CHRM3: variants seen among roughly 807,000 people sequenced by gnomAD.
CHRM3 encodes the protein cholinergic receptor muscarinic 3.
Under a neutral mutation model 41.8 loss-of-function variants are expected in CHRM3, and 11 were observed. The ratio of observed to expected loss-of-function variants is 0.26; its 90% CI spans 0.17 to 0.44. CHRM3 has a LOEUF of 0.44. CHRM3 is among the 20% of genes least tolerant of loss of function. The pLI, the probability that CHRM3 is intolerant of heterozygous loss-of-function variation, is 1.00. For missense variants in CHRM3, 571 were observed against 745.4 expected, an observed-to-expected ratio of 0.77 and a Z score of 2.72; for synonymous variants, 297 against 301.4, an observed-to-expected ratio of 0.99 and a Z score of 0.15.
chr1:239,836,704 G>C (rs974475469), intron 6 of CHRM3, among the ~76,000 whole-genome samples: 1 of 152,136 alleles, frequency 6.6e-6, no homozygotes, highest in South Asian at 2.1e-4. Context: ...GGGGCCTGGC[G>C]TGGTGGCTCA....
intron 5 of CHRM3, among the ~76,000 whole-genome samples, chr1:239,772,005 G>T (rs1000480633): frequency 7.2e-5 from 11 of 152,084 alleles, no homozygotes; most frequent in East Asian, 1.9e-4. Context: ...CATACAAAGA[G>T]AAACAAAAGA....
chr1:239,532,745 G>GA (rs1288041862), intron 2 of CHRM3, among the ~76,000 whole-genome samples: 3 of 151,778 alleles, frequency 2.0e-5, no homozygotes, highest in Non-Finnish European at 4.4e-5. Flanking sequence ...TAAGAATATT[G>GA]AAAAAAGATG....
chr1:239,427,767 A>T (rs1326225068), intron 1 of CHRM3, among the ~76,000 whole-genome samples: 1 of 152,018 alleles, frequency 6.6e-6, no homozygotes, highest in East Asian at 2.0e-4. Flanking sequence ...AGACAAGCAG[A>T]TGGAGGATCC....
intron 1 of CHRM3, among the ~76,000 whole-genome samples, chr1:239,400,525 G>C (rs1015438330): frequency 3.3e-5 from 5 of 151,968 alleles, no homozygotes; most frequent in African/African-American, 1.2e-4. Context: ...AAAGTTCTTT[G>C]CCGAGACTAA....
chr1:239,545,312 C>G, intron 2 of CHRM3, among the ~76,000 whole-genome samples: 1 of 152,068 alleles, frequency 6.6e-6, no homozygotes, highest in Admixed American at 6.6e-5. Context: ...TAATAATGGA[C>G]ATTAGAGATT....
chr1:239,816,730 GTC>G (rs1558148655), intron 5 of CHRM3, among the ~76,000 whole-genome samples: 3 of 101,728 alleles, frequency 2.9e-5, no homozygotes, highest in Non-Finnish European at 2.0e-5. Context: ...CTGTGCCTCA[GTC>G]TTTTTTTTTT....
At position 239,899,259 on chromosome 1, in the gene CHRM3, T is replaced by C. The variant is rs566741301; in HGVS notation, c.-19-8174T>C. ...TTCTCATATTGGCCCACTAATTGGC[T>C]CTTGCATTTTGAACTCAGTGTGTGT... On this transcript the variant is annotated intron_variant, in intron 6 of 6. Coordinates refer to ENST00000676153, the MANE Select transcript of CHRM3 (RefSeq NM_001375978.1). 8.7e-5 allele frequency among the ~76,000 whole-genome samples: 13 copies of C among 149,888 alleles called. No individual in the cohort carries two copies. In the South Asian group the frequency reaches 2.5e-3, roughly 29 times the overall value.
intron 2 of CHRM3, among the ~76,000 whole-genome samples, chr1:239,536,119 A>G (rs1658172576): frequency 6.6e-6 from 1 of 152,162 alleles, no homozygotes; most frequent in South Asian, 2.1e-4. Flanking sequence ...ATTCAGAGTC[A>G]AGGAAGCAGT....
chr1:239,892,305 T>C (rs1345937492), intron 6 of CHRM3, among the ~76,000 whole-genome samples: 1 of 152,250 alleles, frequency 6.6e-6, no homozygotes, highest in Non-Finnish European at 1.5e-5. Context: ...TATTATTTTA[T>C]TTTGATTCTT....
At chr1:239,805,976 A>G (rs1670608213) in intron 5 of CHRM3, among the ~76,000 whole-genome samples, 1 of 152,138 alleles carries the variant, frequency 6.6e-6, no homozygotes, top group South Asian at 2.1e-4. Context: ...ACAAAACAAA[A>G]CAGGAATCTC....
intron 1 of CHRM3, among the ~76,000 whole-genome samples, chr1:239,466,452 T>C (rs1054339536): frequency 6.6e-6 from 1 of 152,114 alleles, no homozygotes; most frequent in African/African-American, 2.4e-5. Context: ...CAATAAGGCT[T>C]CTGGTTAACA....
intron 2 of CHRM3, among the ~76,000 whole-genome samples, chr1:239,529,926 C>A (rs1670274634): frequency 6.6e-6 from 1 of 151,950 alleles, no homozygotes; most frequent in African/African-American, 2.4e-5. Flanking sequence ...GAGACAGAGT[C>A]TCGCTCTGTC....
chr1:239,804,187 T>C (rs1178157542), intron 5 of CHRM3, among the ~76,000 whole-genome samples: 1 of 152,180 alleles, frequency 6.6e-6, no homozygotes, highest in Non-Finnish European at 1.5e-5. Flanking sequence ...TCTTTTGAGA[T>C]ATTTCCAAGA....
At chr1:239,646,666 T>C (rs1399072241) in intron 4 of CHRM3, among the ~76,000 whole-genome samples, 1 of 152,136 alleles carries the variant, frequency 6.6e-6, no homozygotes, top group African/African-American at 2.4e-5. Flanking sequence ...GGAATTTGAA[T>C]GCAAGTGATA....
intron 5 of CHRM3, among the ~76,000 whole-genome samples, chr1:239,749,450 C>A (rs1665631055): frequency 6.6e-6 from 1 of 152,124 alleles, no homozygotes. Flanking sequence ...GGGTGGATCA[C>A]CTGACGTCAG....
At chr1:239,557,947 A>T (rs979011775) in intron 3 of CHRM3, among the ~76,000 whole-genome samples, 1 of 152,138 alleles carries the variant, frequency 6.6e-6, no homozygotes, top group South Asian at 2.1e-4. Context: ...AAGAACCTAC[A>T]TGTGCATGTA....
intron 3 of CHRM3, among the ~76,000 whole-genome samples, chr1:239,610,593 C>T (rs2148745579): frequency 6.6e-6 from 1 of 152,244 alleles, no homozygotes; most frequent in South Asian, 2.1e-4. Flanking sequence ...CTCACATCAG[C>T]TTGTGTGTAT....
rs58709111 is a variant in CHRM3 at position 239,755,600 on chromosome 1, T to C, written c.-146-71652T>C. Among the ~76,000 whole-genome samples the C allele has an allele frequency of 1.4e-3, 216 of 152,312 alleles. 1 individual carries two copies. The highest frequency in any genetic ancestry group is 4.8e-3 in the African/African-American group (201 of 41,562). ...AAGGAAAGGGTACAGAAAAAGGGTA[T>C]GAAACATTAATTTAAAAATAATTAA... On this transcript the variant is annotated intron_variant, in intron 5 of 6. Coordinates refer to ENST00000676153, the MANE Select transcript of CHRM3 (RefSeq NM_001375978.1).
intron 2 of CHRM3, among the ~76,000 whole-genome samples, chr1:239,495,898 C>T (rs1667846315): frequency 6.6e-6 from 1 of 152,078 alleles, no homozygotes; most frequent in African/African-American, 2.4e-5. Flanking sequence ...TTTCCTTCTC[C>T]CTACTTTTAG....
Sources: gnomAD v4.1 joint callset for allele counts (sites outside exome capture counted in the v4.1 genomes callset) on GRCh38, gnomAD v4.1.1 for gene constraint, MANE v1.5 for transcripts, NCBI Gene and HGNC (gene_info 2026-07-23, HGNC 2026-07-21) for gene names.